Variants in ORC5 observed in about 807,000 individuals in gnomAD.
The protein encoded by ORC5 is origin recognition complex subunit 5, also known as protein phosphatase 1, regulatory subunit 117.
ORC5 carries 39 observed loss-of-function variants against 58.8 expected under a neutral mutation model. The observed-to-expected ratio is 0.66, with a 90% confidence interval of 0.51 to 0.87. The LOEUF (loss-of-function observed/expected upper bound fraction) is 0.87. ORC5 is among the 40% of genes least tolerant of loss of function. The pLI, the probability that ORC5 is intolerant of heterozygous loss-of-function variation, is 0.00. For missense variants in ORC5, 493 were observed against 506.3 expected (o/e 0.97, Z 0.25); for synonymous variants, 218 against 177.6 (o/e 1.23, Z -1.81).
intron 5 of ORC5, among the ~76,000 whole-genome samples, chr7:104,191,342 A>G (rs1403646961): frequency 6.6e-6 from 1 of 152,080 alleles, no homozygotes; most frequent in African/African-American, 2.4e-5. Context: ...AGATGGAAGG[A>G]AGAGATAAAT....
At chr7:104,203,269 CT>C (rs1799989955) in intron 2 of ORC5, among the ~76,000 whole-genome samples, 1 of 152,170 alleles carries the variant, frequency 6.6e-6, no homozygotes, top group South Asian at 2.1e-4. Context: ...GGCTAGCCAC[CT>C]GTTTTTGTAC....
At chr7:104,190,265 T>C (rs1265945772) in intron 5 of ORC5, among the ~76,000 whole-genome samples, 2 of 152,122 alleles carry the variant, frequency 1.3e-5, no homozygotes, top group Non-Finnish European at 2.9e-5. Flanking sequence ...CTGTAGATTC[T>C]AGTTTATTTT....
At chr7:104,157,600 C>T (rs962851539) in intron 12 of ORC5, among the ~76,000 whole-genome samples, 5 of 152,036 alleles carry the variant, frequency 3.3e-5, no homozygotes, top group African/African-American at 4.8e-5. Context: ...ACGAAGACTG[C>T]GGACATTGTT....
chr7:104,146,415 CT>C (rs34138078), intron 12 of ORC5, among the ~76,000 whole-genome samples: 48,672 of 151,868 alleles, frequency 0.32, 8,586 homozygotes, highest in East Asian at 0.52. Flanking sequence ...CCCAGATGTC[CT>C]TCAACAGGTG....
chr7:104,150,985 G>C (rs17159469), intron 12 of ORC5, among the ~76,000 whole-genome samples: 4,307 of 152,204 alleles, frequency 0.028, 183 homozygotes, highest in African/African-American at 0.099. Context: ...TTGGGAGATG[G>C]ACCATGATGC....
intron 11 of ORC5, among the ~76,000 whole-genome samples, chr7:104,164,929 A>T (rs1350418303): frequency 3.3e-5 from 5 of 152,144 alleles, no homozygotes; most frequent in Admixed American, 6.6e-5. Context: ...TTCAAAGGGG[A>T]AAGAAAAGAG....
rs1416436731 is a variant in ORC5, at chr7:104,138,760, C to T, written c.1150-1867G>A. 6.6e-6 allele frequency among the ~76,000 whole-genome samples: 1 copy of T among 152,196 alleles called. No individual in the cohort carries two copies. The highest frequency in any genetic ancestry group is 1.5e-5 in the Non-Finnish European group (1 of 68,034). On this transcript the variant is annotated intron_variant, in intron 12 of 13. Coordinates refer to ENST00000297431, the MANE Select transcript of ORC5 (RefSeq NM_002553.4). This position sits in a 1 kb window ranked among gnomAD's most constrained non-coding sequence, Gnocchi z 4.7. ...CTCCTGGGCTCAAGTGATGCACCTG[C>T]CTAGCCTCCCAAAGTGTTGGGATTA...
At chr7:104,169,863 T>C (rs1050908449) in intron 8 of ORC5, among the ~76,000 whole-genome samples, 1 of 152,222 alleles carries the variant, frequency 6.6e-6, no homozygotes, top group Non-Finnish European at 1.5e-5. Flanking sequence ...AATATTTACA[T>C]ACTATTCTTC....
intron 12 of ORC5, among the ~76,000 whole-genome samples, chr7:104,156,487 T>C (rs546708126): frequency 5.3e-5 from 8 of 151,864 alleles, no homozygotes; most frequent in Non-Finnish European, 1.0e-4. Flanking sequence ...TAAAGAGTCC[T>C]TGAGTTACTA....
intron 5 of ORC5, among the ~76,000 whole-genome samples, chr7:104,192,693 C>T (rs138312146): frequency 7.9e-5 from 12 of 151,802 alleles, no homozygotes; most frequent in Non-Finnish European, 1.5e-4. Context: ...AAAAATTACT[C>T]GGTGGGAACA....
chr7:104,168,172 A>G, intron 9 of ORC5: 2 of 661,188 alleles, frequency 3.0e-6, no homozygotes, highest in Non-Finnish European at 2.0e-6. Context: ...ATGAGATAAA[A>G]CTGTCACATA....
chr7:104,133,917 A>T lies in ORC5; in HGVS notation c.1262+2864T>A. ...CCGAGACTAACAAAGGTTCTGGGAAAGTGGAGGAGATGGAATTCAGAGCAT... is the reference window on the plus strand; with the variant it reads ...CCGAGACTAACAAAGGTTCTGGGAATGTGGAGGAGATGGAATTCAGAGCAT... On this transcript the variant is annotated intron_variant, in intron 13 of 13. Coordinates refer to ENST00000297431, the MANE Select transcript of ORC5 (RefSeq NM_002553.4). This position sits in a 1 kb window ranked among gnomAD's most constrained non-coding sequence, Gnocchi z 4.7. Among the ~76,000 whole-genome samples, 1 of 152,142 alleles carries T rather than the reference A, an allele frequency of 6.6e-6. No individual in the cohort carries two copies. Among genetic ancestry groups the T allele is most frequent in the East Asian group, 1.9e-4 (1 of 5,190 alleles).
Position 104,171,862 on chromosome 7 carries a change from C to CA in ORC5, c.825-3338dup, listed in dbSNP as rs753964551. Among the ~76,000 whole-genome samples, 9 of 151,828 alleles carry CA rather than the reference C, an allele frequency of 5.9e-5. No homozygotes were observed. In the South Asian group the frequency reaches 8.3e-4, roughly 14 times the overall value. On this transcript the variant is annotated intron_variant, in intron 8 of 13. Transcript: ENST00000297431. ...ACAATGGGACCCTGTCTCAAAAAAA[C>CA]AAAAAAACAAAAAACAAAATGTCAC...
rs753710228 is a variant in ORC5, at chr7:104,166,903, T to C, written c.878-19A>G. On this transcript the variant is annotated intron_variant, in intron 9 of 13. Transcript: ENST00000297431. ...GAGAGGCCTATATAACAAAACACTTTGATGAAGTACTTATTAGGCTAACAT... is the reference window on the plus strand; with the variant it reads ...GAGAGGCCTATATAACAAAACACTTCGATGAAGTACTTATTAGGCTAACAT... The C allele has an allele frequency of 1.5e-6, 2 of 1,354,184 alleles. No homozygotes were observed. The highest frequency in any genetic ancestry group is 2.3e-5 in the East Asian group (1 of 43,614). 83.9% of individuals were successfully genotyped at this position (1,354,184 alleles called of 1,614,324 possible).
chr7:104,177,220 T>C (rs774278053), intron 8 of ORC5, among the ~76,000 whole-genome samples: 5 of 152,200 alleles, frequency 3.3e-5, no homozygotes, highest in Non-Finnish European at 5.9e-5. Flanking sequence ...CATTTACAAA[T>C]AGTTGAATTA....
Position 104,129,601 on chromosome 7 carries a change from A to T in ORC5, c.1263-2708T>A, listed in dbSNP as rs1213863454. 1.3e-5 allele frequency among the ~76,000 whole-genome samples: 2 copies of T among 152,206 alleles called. No individual in the cohort carries two copies. The highest frequency in any genetic ancestry group is 2.9e-5 in the Non-Finnish European group (2 of 68,022). ...AAAAACTATGCCACACATCCGAAAG[A>T]TAATTTTGTGCTTTAAAGTACTTGA... On this transcript the variant is annotated intron_variant, in intron 13 of 13. Transcript: ENST00000297431. This position sits in a 1 kb window ranked among gnomAD's most constrained non-coding sequence, Gnocchi z 4.9.
chr7:104,147,602 T>C (rs1798777608), intron 12 of ORC5, among the ~76,000 whole-genome samples: 1 of 152,152 alleles, frequency 6.6e-6, no homozygotes, highest in Non-Finnish European at 1.5e-5. Flanking sequence ...AAAAGGACAA[T>C]TGGCATTATC....
chr7:104,153,422 C>A (rs1798876461), intron 12 of ORC5, among the ~76,000 whole-genome samples: 1 of 152,148 alleles, frequency 6.6e-6, no homozygotes, highest in South Asian at 2.1e-4. Context: ...CTGCTGACCT[C>A]TTCATCAGCG....
intron 9 of ORC5, chr7:104,168,239 T>C (rs1186555114): frequency 8.4e-6 from 9 of 1,072,080 alleles, no homozygotes; most frequent in African/African-American, 1.6e-5. Context: ...ATTTTCATGA[T>C]ATAATCCAAT....
Sources: allele counts gnomAD v4.1 joint callset (sites outside exome capture counted in the v4.1 genomes callset), GRCh38; gene constraint gnomAD v4.1.1; non-coding constraint Gnocchi (gnomAD v3.1); transcripts MANE v1.5; gene names NCBI Gene and HGNC (gene_info 2026-07-23, HGNC 2026-07-21).